Variants in SUCLG2 observed in about 807,000 individuals in gnomAD.
SUCLG2 encodes succinate-CoA ligase GDP-forming subunit beta, also known as succinate--CoA ligase [GDP-forming] subunit beta, mitochondrial.
A neutral mutation model predicts 47.9 loss-of-function variants in SUCLG2; 42 were observed. The ratio of observed to expected loss-of-function variants is 0.88; its 90% CI spans 0.69 to 1.14. The LOEUF (loss-of-function observed/expected upper bound fraction) is 1.14. SUCLG2 is among the 50% of genes most tolerant of loss of function. The probability of loss-of-function intolerance (pLI) is 0.00; values close to 1 mark genes in which losing one functional copy is unlikely to be tolerated. For synonymous variants in SUCLG2, 195 were observed against 197.3 expected (o/e 0.99, Z 0.10); for missense variants, 571 against 525.9 (o/e 1.09, Z -0.84).
intron 9 of SUCLG2, among the ~76,000 whole-genome samples, chr3:67,448,680 A>C (rs1195476283): frequency 6.6e-6 from 1 of 152,224 alleles, no homozygotes; most frequent in Non-Finnish European, 1.5e-5. Flanking sequence ...TAAAATATTA[A>C]TATGTTGCTT....
intron 9 of SUCLG2, among the ~76,000 whole-genome samples, chr3:67,449,603 G>A (rs532575925): frequency 6.7e-6 from 1 of 149,594 alleles, no homozygotes; most frequent in Non-Finnish European, 1.5e-5. Context: ...GCTATTTGCT[G>A]AATATTTTAT....
chr3:67,643,194 A>G (rs1157765496), intron 1 of SUCLG2, among the ~76,000 whole-genome samples: 2 of 152,238 alleles, frequency 1.3e-5, no homozygotes, highest in Non-Finnish European at 2.9e-5. Context: ...TTGTGGTGAA[A>G]GGAGGTGCTC....
At chr3:67,431,448 C>T (rs139317390) in intron 9 of SUCLG2, among the ~76,000 whole-genome samples, 1,821 of 152,142 alleles carry the variant, frequency 0.012, 20 homozygotes, top group Non-Finnish European at 0.019. Context: ...TTGATGTTTA[C>T]TGTGACACTA....
At chr3:67,570,047 C>CGATGATGA (rs1707565749) in intron 2 of SUCLG2, among the ~76,000 whole-genome samples, 2 of 152,154 alleles carry the variant, frequency 1.3e-5, no homozygotes, top group African/African-American at 4.8e-5. Flanking sequence ...TAATCCAATA[C>CGATGATGA]GATGATGATG....
intron 1 of SUCLG2, among the ~76,000 whole-genome samples, chr3:67,650,699 G>A (rs1701270859): frequency 6.6e-6 from 1 of 152,128 alleles, no homozygotes; most frequent in African/African-American, 2.4e-5. Flanking sequence ...GGAGGTTGTA[G>A]TGAGCCAAGA....
chr3:67,470,346 C>T (rs932658114), intron 9 of SUCLG2, among the ~76,000 whole-genome samples: 4 of 152,144 alleles, frequency 2.6e-5, no homozygotes, highest in Non-Finnish European at 5.9e-5. Flanking sequence ...TTATTTCTCT[C>T]GTATACTTCA....
chr3:67,638,659 T>G (rs756526123), intron 1 of SUCLG2, among the ~76,000 whole-genome samples: 1 of 152,214 alleles, frequency 6.6e-6, no homozygotes, highest in South Asian at 2.1e-4. Context: ...AAAGCCTTTA[T>G]AGCAAGCAGA....
At chr3:67,625,694 C>T (rs780154802) in intron 1 of SUCLG2, among the ~76,000 whole-genome samples, 22 of 152,314 alleles carry the variant, frequency 1.4e-4, no homozygotes, top group Non-Finnish European at 3.1e-4. Flanking sequence ...AGGAAGTATA[C>T]CGATGGCCGG....
In SUCLG2 at chr3:67,393,751, C is replaced by T. The variant is rs547529993; in HGVS notation, c.1183+6980G>A. On this transcript the variant is annotated intron_variant, in intron 10 of 10. Coordinates refer to ENST00000307227, the MANE Select transcript of SUCLG2 (RefSeq NM_003848.4). ...GGGTCCCTGACCCCTGACCCCTGAG[C>T]AGCCTAACTGCGAGGCACCCCAGCA... Among the ~76,000 whole-genome samples the T allele has an allele frequency of 4.6e-5, 7 of 152,300 alleles. No homozygotes were observed. The South Asian group carries it at 8.3e-4, about 18-fold the overall frequency.
chr3:67,482,296 A>G (rs1207267938), intron 9 of SUCLG2, among the ~76,000 whole-genome samples: 1 of 152,180 alleles, frequency 6.6e-6, no homozygotes, highest in African/African-American at 2.4e-5. Context: ...AGAGAAATAT[A>G]GTATGCTGAT....
At chr3:67,624,865 T>C (rs912600033) in intron 1 of SUCLG2, among the ~76,000 whole-genome samples, 1 of 152,194 alleles carries the variant, frequency 6.6e-6, no homozygotes, top group African/African-American at 2.4e-5. Flanking sequence ...GTCCAGGAAA[T>C]GTGTGAAATA....
At chr3:67,510,936 C>T (rs1162592488) in intron 6 of SUCLG2, among the ~76,000 whole-genome samples, 1 of 147,924 alleles carries the variant, frequency 6.8e-6, no homozygotes, top group East Asian at 2.0e-4. Flanking sequence ...GTGTTGCCAG[C>T]CTGGAGTGCA....
chr3:67,620,584 C>CAAAAA (rs71109890), intron 1 of SUCLG2, among the ~76,000 whole-genome samples: 1,838 of 63,360 alleles, frequency 0.029, 111 homozygotes, highest in Middle Eastern at 0.06. Flanking sequence ...GACTCCATCT[C>CAAAAA]AAAAAAAAAA....
At chr3:67,401,691 T>C (rs552330067) in intron 9 of SUCLG2, among the ~76,000 whole-genome samples, 32 of 152,094 alleles carry the variant, frequency 2.1e-4, no homozygotes, top group African/African-American at 7.2e-4. Context: ...CCTAGATTAA[T>C]TGATAACACC....
At chr3:67,572,710 A>T (rs1445166936) in intron 2 of SUCLG2, among the ~76,000 whole-genome samples, 1 of 152,176 alleles carries the variant, frequency 6.6e-6, no homozygotes, top group Non-Finnish European at 1.5e-5. Context: ...GACAAATATC[A>T]TACTTACTGG....
chr3:67,590,935 C>A (rs952399997), intron 2 of SUCLG2, among the ~76,000 whole-genome samples: 6 of 151,468 alleles, frequency 4.0e-5, no homozygotes, highest in African/African-American at 1.5e-4. Flanking sequence ...ACAAAAATTT[C>A]TAAAGTAAAA....
At chr3:67,441,045 G>A (rs916263930) in intron 9 of SUCLG2, among the ~76,000 whole-genome samples, 7 of 152,188 alleles carry the variant, frequency 4.6e-5, no homozygotes, top group African/African-American at 1.7e-4. Flanking sequence ...ATACTATGCA[G>A]CCATAAAAAG....
intron 2 of SUCLG2, among the ~76,000 whole-genome samples, chr3:67,598,892 G>A (rs1320471021): frequency 6.6e-6 from 1 of 152,144 alleles, no homozygotes; most frequent in Non-Finnish European, 1.5e-5. Flanking sequence ...AAAAGGATGG[G>A]ACTATGCTTC....
At chr3:67,648,687 T>C (rs1701234928) in intron 1 of SUCLG2, among the ~76,000 whole-genome samples, 1 of 152,188 alleles carries the variant, frequency 6.6e-6, no homozygotes, top group East Asian at 1.9e-4. Flanking sequence ...TGTTATATAC[T>C]ACATGCCCAA....
Sources: allele counts gnomAD v4.1 joint callset (sites outside exome capture counted in the v4.1 genomes callset), GRCh38; gene constraint gnomAD v4.1.1; transcripts MANE v1.5; gene names NCBI Gene and HGNC (gene_info 2026-07-23, HGNC 2026-07-21).